NRG1: variants seen among roughly 807,000 people sequenced by gnomAD.
NRG1 encodes the protein pro-neuregulin-1, membrane-bound isoform.
A neutral mutation model predicts 63.8 loss-of-function variants in NRG1; 18 were observed. That is an observed-to-expected ratio of 0.28 (90% CI 0.19 to 0.42). The LOEUF is 0.42. NRG1 is among the 10% of genes least tolerant of loss of function. The probability of loss-of-function intolerance (pLI) is 1.00; values close to 1 mark genes in which losing one functional copy is unlikely to be tolerated. For missense variants in NRG1, 762 were observed against 814.7 expected, an observed-to-expected ratio of 0.94 and a Z score of 0.79; for synonymous variants, 302 against 301.3, an observed-to-expected ratio of 1.00 and a Z score of -0.02.
chr8:32,748,021 C>G (rs1041348587), intron 7 of NRG1, among the ~76,000 whole-genome samples: 11 of 151,926 alleles, frequency 7.2e-5, no homozygotes, highest in Non-Finnish European at 4.4e-5. Context: ...GAAAAATTAA[C>G]ATGTCCAAAG....
chr8:32,751,552 T>G (rs1363042624), intron 7 of NRG1, among the ~76,000 whole-genome samples: 1 of 152,216 alleles, frequency 6.6e-6, no homozygotes, highest in Admixed American at 6.5e-5. Flanking sequence ...TTGATCACAT[T>G]CATAGTGTGG....
chr8:31,886,774 C>A (rs1356375890), intron 1 of NRG1, among the ~76,000 whole-genome samples: 1 of 151,974 alleles, frequency 6.6e-6, no homozygotes, highest in Non-Finnish European at 1.5e-5. Context: ...ATCATGCATG[C>A]TTTGGAAGCT....
chr8:32,633,590 C>A (rs1236539816), intron 5 of NRG1, among the ~76,000 whole-genome samples: 1 of 152,142 alleles, frequency 6.6e-6, no homozygotes, highest in East Asian at 1.9e-4. Flanking sequence ...AAGAATGACT[C>A]CACTATGTGT....
intron 1 of NRG1, among the ~76,000 whole-genome samples, chr8:31,766,383 A>C (rs1216396684): frequency 6.6e-6 from 1 of 152,136 alleles, no homozygotes; most frequent in Non-Finnish European, 1.5e-5. Flanking sequence ...GAAAGGAACA[A>C]TGACTTCTTT....
chr8:32,183,543 G>A (rs979637195), intron 1 of NRG1, among the ~76,000 whole-genome samples: 31 of 152,182 alleles, frequency 2.0e-4, no homozygotes, highest in African/African-American at 7.5e-4. Flanking sequence ...TGAACGTTCA[G>A]CATTGTCTCT....
chr8:31,799,181 C>T (rs1004678847), intron 1 of NRG1, among the ~76,000 whole-genome samples: 5 of 152,086 alleles, frequency 3.3e-5, no homozygotes, highest in Admixed American at 2.6e-4. Context: ...TATGCATAGG[C>T]AAACCCCAAA....
chr8:32,443,235 C>G lies in NRG1; in HGVS notation c.38-152593C>G, dbSNP rs1819780060. Among the ~76,000 whole-genome samples the G allele has an allele frequency of 2.6e-5, 4 of 152,272 alleles. No individual in the cohort carries two copies. The South Asian group carries it at 8.3e-4, about 32-fold the overall frequency. On this transcript the variant is annotated intron_variant, in intron 1 of 10. Coordinates refer to the NRG1 transcript ENST00000519301. ...GGCATTATAGGCATGAGCCACCACA[C>G]CCAGCCTGGGTGTCTGTCTTTATGC...
chr8:32,106,973 A>T (rs1299715021), intron 1 of NRG1, among the ~76,000 whole-genome samples: 4 of 152,192 alleles, frequency 2.6e-5, no homozygotes, highest in African/African-American at 9.6e-5. Context: ...CTGTAATCCC[A>T]GTACTTTGCC....
In NRG1 at chr8:32,402,907, G is replaced by A. The variant is rs116694995; in HGVS notation, c.38-192921G>A. On this transcript the variant is annotated intron_variant, in intron 1 of 10. Transcript: ENST00000519301. Reference sequence around the variant, plus strand: ...ATGGAATGTATCCCCTGAGGATAAGGGGGGATTACTCTATGTATTTTCGTA... The same window carrying A: ...ATGGAATGTATCCCCTGAGGATAAGAGGGGATTACTCTATGTATTTTCGTA... Among the ~76,000 whole-genome samples, 355 of 152,200 alleles carry A rather than the reference G, an allele frequency of 2.3e-3. 2 individuals carry two copies. Among genetic ancestry groups the A allele is most frequent in the African/African-American group, 8.4e-3 (347 of 41,524 alleles).
intron 1 of NRG1, among the ~76,000 whole-genome samples, chr8:31,996,996 G>T (rs1208126954): frequency 6.6e-6 from 1 of 151,774 alleles, no homozygotes; most frequent in African/African-American, 2.4e-5. Flanking sequence ...ATATCTAATT[G>T]CATTTGAAAC....
intron 3 of NRG1, among the ~76,000 whole-genome samples, chr8:32,607,106 T>C (rs2129539855): frequency 6.6e-6 from 1 of 152,146 alleles, no homozygotes; most frequent in East Asian, 1.9e-4. Context: ...AGGAGTCCTG[T>C]TTATTACAGT....
intron 1 of NRG1, among the ~76,000 whole-genome samples, chr8:31,660,657 G>T (rs1805901621): frequency 1.3e-5 from 2 of 152,144 alleles, no homozygotes; most frequent in Non-Finnish European, 2.9e-5. Flanking sequence ...AAATGGAAGA[G>T]AATTTATTTC....
At chr8:32,772,026 A>C (rs1831841674), downstream of NRG1, among the ~76,000 whole-genome samples, 1 of 15,622 alleles carries the variant, frequency 6.4e-5, no homozygotes, top group Non-Finnish European at 2.3e-4. Context: ...TCCGTCTCAA[A>C]AAAAAAAAAA....
intron 1 of NRG1, among the ~76,000 whole-genome samples, chr8:31,919,706 G>T (rs1258878173): frequency 3.3e-5 from 5 of 152,008 alleles, no homozygotes; most frequent in Non-Finnish European, 5.9e-5. Flanking sequence ...ATGGAACAAT[G>T]CATTCTGCTG....
At chr8:32,412,470 A>ATG in intron 1 of NRG1, among the ~76,000 whole-genome samples, 2 of 117,990 alleles carry the variant, frequency 1.7e-5, no homozygotes, top group Non-Finnish European at 3.9e-5. Context: ...ATATATATAT[A>ATG]TATATGAACA....
At chr8:32,405,743 A>G (rs910043364) in intron 1 of NRG1, among the ~76,000 whole-genome samples, 4 of 152,180 alleles carry the variant, frequency 2.6e-5, no homozygotes, top group African/African-American at 9.7e-5. Flanking sequence ...TTTTACCATA[A>G]TCTTCATAAT....
At position 31,776,215 on chromosome 8, in the gene NRG1, C is replaced by A. The variant is rs529426068; in HGVS notation, c.37+136784C>A. 3.9e-5 allele frequency among the ~76,000 whole-genome samples: 6 copies of A among 152,248 alleles called. No homozygotes were observed. The East Asian group carries it at 1.2e-3, about 29-fold the overall frequency. On this transcript the variant is annotated intron_variant, in intron 1 of 10. Transcript: ENST00000519301. ...CAGAGGGTTGTAGGCCATGAAAGTT[C>A]GAGAACCACTGGGCCATGTCCATGC...
chr8:32,307,509 G>T (rs1271803190), intron 1 of NRG1, among the ~76,000 whole-genome samples: 1 of 151,862 alleles, frequency 6.6e-6, no homozygotes, highest in Admixed American at 6.6e-5. Flanking sequence ...AATAAAAATG[G>T]TAACATTATA....
At chr8:31,684,897 T>C (rs1286571132) in intron 1 of NRG1, among the ~76,000 whole-genome samples, 1 of 152,098 alleles carries the variant, frequency 6.6e-6, no homozygotes, top group Non-Finnish European at 1.5e-5. Context: ...ATGGAATCAA[T>C]TTGAACTTGA....
Sources: allele counts gnomAD v4.1 joint callset (sites outside exome capture counted in the v4.1 genomes callset), GRCh38; gene constraint gnomAD v4.1.1; transcripts MANE v1.5; gene names NCBI Gene and HGNC (gene_info 2026-07-23, HGNC 2026-07-21).